Variants in ZNF438 observed in about 807,000 individuals in gnomAD.
ZNF438 encodes the protein zinc finger protein 438.
ZNF438 carries 25 observed loss-of-function variants against 38.0 expected under a neutral mutation model. That is an observed-to-expected ratio of 0.66 (90% CI 0.48 to 0.92). The LOEUF (loss-of-function observed/expected upper bound fraction) is 0.92, where lower values mean the gene tolerates loss of function less well. ZNF438 is among the 40% of genes least tolerant of loss of function. The pLI, the probability that ZNF438 is intolerant of heterozygous loss-of-function variation, is 0.00. For synonymous variants in ZNF438, 372 were observed against 364.1 expected (o/e 1.02, Z -0.25); for missense variants, 1,007 against 999.6 (o/e 1.01, Z -0.10).
At position 30,862,175 on chromosome 10, in the gene ZNF438, G is replaced by A. The variant is rs535399474; in HGVS notation, c.38-11808C>T. The stretch of plus-strand genomic sequence containing the variant: ...CTTCCAGAACATTCTGACATTTGCC[G>A]AGTCAGCTGTTTCTCAATGGGGCTG... On this transcript the variant is annotated intron_variant, in intron 4 of 5. Coordinates refer to ENST00000413025, the Ensembl canonical transcript of ZNF438. Among the ~76,000 whole-genome samples, 11 of 152,240 alleles carry A rather than the reference G, an allele frequency of 7.2e-5. No individual in the cohort carries two copies. In the East Asian group the frequency reaches 7.7e-4, roughly 11 times the overall value.
At chr10:30,898,410 G>C (rs2041612238) in intron 3 of ZNF438, among the ~76,000 whole-genome samples, 1 of 151,994 alleles carries the variant, frequency 6.6e-6, no homozygotes, top group Admixed American at 6.6e-5. Context: ...TGCCCTTAAA[G>C]GAAAAAAAGT....
At chr10:30,878,766 G>A (rs947185618) in intron 3 of ZNF438, among the ~76,000 whole-genome samples, 7 of 152,190 alleles carry the variant, frequency 4.6e-5, no homozygotes, top group African/African-American at 1.7e-4. Flanking sequence ...GCCACAGGGT[G>A]TGCATGGAGC....
At position 30,943,286 on chromosome 10, in the gene ZNF438, G is replaced by A. The variant is rs549565640; in HGVS notation, c.-191-1635C>T. Among the ~76,000 whole-genome samples, 7 of 152,180 alleles carry A rather than the reference G, an allele frequency of 4.6e-5. No individual in the cohort carries two copies. The East Asian group carries it at 1.4e-3, about 29-fold the overall frequency. On this transcript the variant is annotated intron_variant, in intron 1 of 5. Coordinates refer to ENST00000413025, the Ensembl canonical transcript of ZNF438. The stretch of plus-strand genomic sequence containing the variant: ...AGAAATAGAGGAAAGGATGGGTGAT[G>A]AATACAAACATTTGTGTGTAAGGGA...
chr10:31,020,268 C>T, intron 1 of ZNF438, among the ~76,000 whole-genome samples: 1 of 152,092 alleles, frequency 6.6e-6, no homozygotes, highest in East Asian at 1.9e-4. Context: ...TATTCAAGCA[C>T]AAAGGTTGAG....
intron 1 of ZNF438, among the ~76,000 whole-genome samples, chr10:31,006,099 C>T (rs533006962): frequency 6.6e-6 from 1 of 152,312 alleles, no homozygotes; most frequent in African/African-American, 2.4e-5. Flanking sequence ...ATCTGGTCTA[C>T]ATCCTCATTT....
chr10:30,896,205 A>C (rs916833357), intron 3 of ZNF438, among the ~76,000 whole-genome samples: 1 of 151,328 alleles, frequency 6.6e-6, no homozygotes, highest in African/African-American at 2.4e-5. Flanking sequence ...CTGAGGCAGG[A>C]GAACGGCATG....
Position 30,845,580 on chromosome 10 carries a change from A to T in ZNF438, c.1875-7T>A. 6.2e-7 allele frequency: 1 copy of T among 1,603,006 alleles called. No homozygotes were observed. The highest frequency in any genetic ancestry group is 8.5e-7 in the Non-Finnish European group (1 of 1,175,680). On this transcript the variant is annotated splice_polypyrimidine_tract_variant and splice_region_variant and intron_variant, in intron 5 of 5. Coordinates refer to ENST00000413025, the Ensembl canonical transcript of ZNF438. The stretch of plus-strand genomic sequence containing the variant: ...CAGGTTGGACTTGTTTTCCCTGAAA[A>T]GGCCAATAATAATGAAGATAAGATT...
intron 3 of ZNF438, among the ~76,000 whole-genome samples, chr10:30,877,656 T>C (rs1349180460): frequency 6.6e-6 from 1 of 152,176 alleles, no homozygotes; most frequent in Non-Finnish European, 1.5e-5. Flanking sequence ...ATTTACAGTG[T>C]GTTTGGTGAT....
At chr10:30,955,999 T>C (rs3006576) in intron 1 of ZNF438, among the ~76,000 whole-genome samples, 31,385 of 152,054 alleles carry the variant, frequency 0.21, 4,059 homozygotes, top group Middle Eastern at 0.32. Flanking sequence ...AAACAATTTT[T>C]CAAACACAAT....
At chr10:30,987,668 A>ATCTC (rs59613762) in intron 1 of ZNF438, among the ~76,000 whole-genome samples, 1 of 151,192 alleles carries the variant, frequency 6.6e-6, no homozygotes, top group Non-Finnish European at 1.5e-5. Context: ...AAAGAAACAG[A>ATCTC]TCTCTCTCTC....
intron 1 of ZNF438, among the ~76,000 whole-genome samples, chr10:30,956,491 T>C (rs532458694): frequency 1.3e-5 from 2 of 152,338 alleles, no homozygotes; most frequent in East Asian, 1.9e-4. Context: ...TACTGTACCA[T>C]AGAACACCAG....
intron 1 of ZNF438, among the ~76,000 whole-genome samples, chr10:30,953,486 G>A (rs977250056): frequency 2.0e-5 from 3 of 150,866 alleles, no homozygotes; most frequent in Non-Finnish European, 4.4e-5. Context: ...AAAACTGGAG[G>A]GAGCTATATT....
chr10:30,852,213 T>C (rs1006840518), intron 4 of ZNF438, among the ~76,000 whole-genome samples: 3 of 126,912 alleles, frequency 2.4e-5, no homozygotes, highest in Non-Finnish European at 5.1e-5. Context: ...ATTTTCTTTT[T>C]TCTTTTTTTT....
chr10:30,929,210 G>A (rs1207360026), intron 2 of ZNF438, among the ~76,000 whole-genome samples: 5 of 152,200 alleles, frequency 3.3e-5, no homozygotes, highest in Non-Finnish European at 7.3e-5. Context: ...TGAAATTGGT[G>A]GGTTCTTGGT....
chr10:30,978,239 C>T (rs1420557556), intron 1 of ZNF438, among the ~76,000 whole-genome samples: 1 of 152,102 alleles, frequency 6.6e-6, no homozygotes, highest in Admixed American at 6.5e-5. Flanking sequence ...ACAGACTAGA[C>T]AGTATATTGA....
At chr10:31,014,840 G>A (rs2056047923) in intron 1 of ZNF438, among the ~76,000 whole-genome samples, 1 of 75,566 alleles carries the variant, frequency 1.3e-5, no homozygotes. Flanking sequence ...ATAAATGTGT[G>A]TGTATGTGTG....
At chr10:30,913,735 C>T (rs7091929) in intron 2 of ZNF438, among the ~76,000 whole-genome samples, 1,810 of 152,114 alleles carry the variant, frequency 0.012, 53 homozygotes, top group African/African-American at 0.042. Flanking sequence ...AAGAGAATTA[C>T]GTGGGTAATC....
At chr10:30,929,902 A>T (rs2045433874) in intron 2 of ZNF438, among the ~76,000 whole-genome samples, 1 of 150,886 alleles carries the variant, frequency 6.6e-6, no homozygotes, top group Admixed American at 6.6e-5. Flanking sequence ...TACAAACCCC[A>T]AGCTAGACAC....
intron 2 of ZNF438, among the ~76,000 whole-genome samples, chr10:30,925,671 T>C (rs796962678): frequency 9.9e-5 from 15 of 152,230 alleles, no homozygotes; most frequent in South Asian, 2.1e-4. Flanking sequence ...TTCTCCCCAA[T>C]AGAATGTCAG....
Sources: gnomAD v4.1 joint callset for allele counts (sites outside exome capture counted in the v4.1 genomes callset) on GRCh38, gnomAD v4.1.1 for gene constraint, MANE v1.5 for transcripts, NCBI Gene and HGNC (gene_info 2026-07-23, HGNC 2026-07-21) for gene names.